The following EVC2 variants were observed in gnomAD, a reference collection of about 807,000 sequenced individuals.
EVC2 encodes the protein EvC ciliary complex subunit 2, also known as limbin.
A neutral mutation model predicts 149.3 loss-of-function variants in EVC2; 148 were observed. The ratio of observed to expected loss-of-function variants is 0.99; its 90% confidence interval spans 0.87 to 1.14. The LOEUF is 1.14. EVC2 is among the 50% of genes most tolerant of loss of function. EVC2 has a pLI of 0.00. For synonymous variants in EVC2, 776 were observed against 649.9 expected, an observed-to-expected ratio of 1.19 and a Z score of -2.95; for missense variants, 1,854 against 1,627.3, an observed-to-expected ratio of 1.14 and a Z score of -2.40.
Position 5,699,201 on chromosome 4 carries a change from G to A in EVC2, c.229-1554C>T, listed in dbSNP as rs73795004. On this transcript the variant is annotated intron_variant, in intron 1 of 21. Transcript: ENST00000344408. ...AGTGGCAGAGACAGGCAAGAGGTGTGGGAAGAGGGAAAATGGGTGCAGCTC... is the reference window on the plus strand; with the variant it reads ...AGTGGCAGAGACAGGCAAGAGGTGTAGGAAGAGGGAAAATGGGTGCAGCTC... Among the ~76,000 whole-genome samples the A allele has an allele frequency of 6.8e-3, 1,041 of 152,282 alleles. 15 individuals are homozygous for A. The highest frequency in any genetic ancestry group is 0.024 in the African/African-American group (983 of 41,552).
the EVC2 span, among the ~76,000 whole-genome samples, chr4:5,532,983 A>C: frequency 6.6e-6 from 1 of 150,916 alleles, no homozygotes; most frequent in South Asian, 2.1e-4. Flanking sequence ...AAGGAACCGA[A>C]CCTTATTCAC....
intron 21 of EVC2, among the ~76,000 whole-genome samples, chr4:5,549,093 A>G (rs968727584): frequency 6.6e-6 from 1 of 151,348 alleles, no homozygotes; most frequent in African/African-American, 2.4e-5. Context: ...AAGCTTTCTC[A>G]GGTCATCAAA....
At chr4:5,654,749 G>T (rs1397285693) in intron 9 of EVC2, among the ~76,000 whole-genome samples, 1 of 152,208 alleles carries the variant, frequency 6.6e-6, no homozygotes, top group African/African-American at 2.4e-5. Context: ...ACACTTCCAG[G>T]CCGCTGAAGG....
chr4:5,645,398 C>G (rs567374538), intron 9 of EVC2, among the ~76,000 whole-genome samples: 1 of 152,022 alleles, frequency 6.6e-6, no homozygotes, highest in South Asian at 2.1e-4. Context: ...CTTCCTGATC[C>G]TCTCCTTCCT....
At chr4:5,593,578 T>A (rs914284109) in intron 16 of EVC2, among the ~76,000 whole-genome samples, 10 of 152,178 alleles carry the variant, frequency 6.6e-5, no homozygotes, top group Non-Finnish European at 1.3e-4. Flanking sequence ...ATTCCCATTC[T>A]AGGGGGTGGA....
chr4:5,628,698 T>G lies in EVC2; in HGVS notation c.1747A>C (p.Ser583Arg), dbSNP rs1222356750. 1.9e-6 allele frequency: 3 copies of G among 1,613,592 alleles called. No homozygotes were observed. In the African/African-American group the frequency reaches 4.0e-5, roughly 22 times the overall value. Reference protein sequence around the residue: ...VEELMDFFQASKRYHLSKRFG... With the variant: ...VEELMDFFQARKRYHLSKRFG... ...CTTTTACTTAGATGATACCTCTTAC[T>G]AGCCTGGAAAAAGTCCATTAACTCT... The change falls in exon 12 of 22, where the codon AGT becomes CGT. Residue 583 changes from serine to arginine, a missense_variant. Ser to Arg is a moderately radical substitution (Grantham distance 110). Coordinates refer to ENST00000344408, the MANE Select transcript of EVC2 (RefSeq NM_147127.5).
Position 5,706,305 on chromosome 4 carries a change from CATAG to C in EVC2, c.228+1977_228+1980del, listed in dbSNP as rs1258572388. Among the ~76,000 whole-genome samples, 65 of 53,132 alleles carry C rather than the reference CATAG, an allele frequency of 1.2e-3. 1 individual carries two copies. The highest frequency in any genetic ancestry group is 5.0e-3 in the African/African-American group (60 of 11,998). 34.9% of individuals were successfully genotyped at this position (53,132 alleles called of 152,430 possible). A position where few individuals can be genotyped will look rare whatever the true frequency, so the allele number is the denominator to read the frequency against. The stretch of plus-strand genomic sequence containing the variant: ...AAGGTGCAATAAATATAGATAGATA[CATAG>C]ATAGATAGATACATAGATAGATAGA... On this transcript the variant is annotated intron_variant, in intron 1 of 21. Transcript: ENST00000344408.
rs1016771399 is a variant in EVC2 at position 5,618,814 on chromosome 4, T to A, written c.2502-132A>T. 23 of 832,742 alleles carry A rather than the reference T, an allele frequency of 2.8e-5. No homozygotes were observed. Among genetic ancestry groups the A allele is most frequent in the Middle Eastern group, 3.3e-4 (1 of 3,042 alleles). The allele number at this position is 832,742 out of a possible 1,614,324, so 51.6% of individuals were successfully genotyped here. On this transcript the variant is annotated intron_variant, in intron 14 of 21. Transcript: ENST00000344408. This position sits in a 1 kb window ranked among gnomAD's most constrained non-coding sequence, Gnocchi z 4.4. ...AGAAAAAGCACTGGCTCCTTAATCA[T>A]GCATTCCTGCCACAGGCATTCCTTG... is the stretch of plus-strand genomic sequence containing the variant.
At chr4:5,537,465 G>A in the EVC2 span, among the ~76,000 whole-genome samples, 1 of 152,202 alleles carries the variant, frequency 6.6e-6, no homozygotes, top group Non-Finnish European at 1.5e-5. Context: ...GAAGTCAGGG[G>A]TCATTTGGTA....
At chr4:5,647,333 T>C (rs756059855) in intron 9 of EVC2, among the ~76,000 whole-genome samples, 6 of 152,170 alleles carry the variant, frequency 3.9e-5, no homozygotes, top group Non-Finnish European at 7.3e-5. Context: ...AAATGGAAGA[T>C]TTTTATATAT....
At chr4:5,688,414 TG>T (rs1339314039) in intron 5 of EVC2, among the ~76,000 whole-genome samples, 1 of 152,136 alleles carries the variant, frequency 6.6e-6, no homozygotes, top group Non-Finnish European at 1.5e-5. Flanking sequence ...GCCAGCCCTA[TG>T]ACCTCGGGCA....
At chr4:5,676,752 TTC>T (rs138939043) in intron 7 of EVC2, among the ~76,000 whole-genome samples, 15 of 151,692 alleles carry the variant, frequency 9.9e-5, no homozygotes, top group Non-Finnish European at 1.9e-4. Context: ...GCCCATGGAG[TTC>T]TCTCTCTCTC....
At chr4:5,549,595 C>A (rs1721694771) in intron 21 of EVC2, among the ~76,000 whole-genome samples, 1 of 152,132 alleles carries the variant, frequency 6.6e-6, no homozygotes, top group South Asian at 2.1e-4. Flanking sequence ...CTCCATTTTA[C>A]AAATAAGAAA....
chr4:5,584,286 G>A (rs1560139408), intron 17 of EVC2, among the ~76,000 whole-genome samples: 1 of 152,106 alleles, frequency 6.6e-6, no homozygotes, highest in Non-Finnish European at 1.5e-5. Flanking sequence ...AAATAACCCA[G>A]TACACTGTTG....
chr4:5,620,059 C>A (rs750172549), intron 14 of EVC2, among the ~76,000 whole-genome samples: 3 of 152,164 alleles, frequency 2.0e-5, no homozygotes, highest in Admixed American at 6.5e-5. Context: ...GAGAATGAGA[C>A]CTTCAGAGAC....
intron 17 of EVC2, among the ~76,000 whole-genome samples, chr4:5,578,730 G>A (rs1389527150): frequency 6.6e-6 from 1 of 152,058 alleles, no homozygotes; most frequent in African/African-American, 2.4e-5. Context: ...ATAATAGATT[G>A]GGGGATTCAG....
At position 5,568,536 on chromosome 4, in the gene EVC2, C is replaced by T; in HGVS notation, c.3465G>A (p.Leu1155=). 6.2e-7 allele frequency: 1 copy of T among 1,600,246 alleles called. No homozygotes were observed. The change falls in exon 20 of 22, where the codon CTG becomes CTA. Residue 1155 remains leucine, a synonymous_variant. Transcript: ENST00000344408. The part of the protein sequence containing the change: ...VVLPTASQPQ[L]LALLDSATER... ...CGGTGGCCGAATCCAGCAGGGCCAG[C>T]AGCTGAGGCTGTGAGGCTGTGGGCA...
chr4:5,701,709 T>C (rs555178437), intron 1 of EVC2, among the ~76,000 whole-genome samples: 1 of 152,330 alleles, frequency 6.6e-6, no homozygotes, highest in East Asian at 1.9e-4. Context: ...CAGACTTGAA[T>C]GCCTAAGAGA....
rs556016967 is a variant in EVC2, at chr4:5,637,930, G to C, written c.1470+2584C>G. Among the ~76,000 whole-genome samples, 81 of 151,646 alleles carry C rather than the reference G, an allele frequency of 5.3e-4. No individual in the cohort carries two copies. Among genetic ancestry groups the C allele is most frequent in the African/African-American group, 1.7e-3 (70 of 41,284 alleles). On this transcript the variant is annotated intron_variant, in intron 10 of 21. Transcript: ENST00000344408. The surrounding 1 kb of genome is among the most constrained non-coding windows in gnomAD (Gnocchi z 4.4). Reference sequence around the variant, plus strand: ...GTCTCTGTTATGTATTCTTGTTTGTGTATTTGATTTTTAAAACTCTTTAAA... The same window carrying C: ...GTCTCTGTTATGTATTCTTGTTTGTCTATTTGATTTTTAAAACTCTTTAAA...
Sources: allele counts gnomAD v4.1 joint callset (sites outside exome capture counted in the v4.1 genomes callset), GRCh38; gene constraint gnomAD v4.1.1; non-coding constraint Gnocchi (gnomAD v3.1); transcripts MANE v1.5; gene names NCBI Gene and HGNC (gene_info 2026-07-23, HGNC 2026-07-21).